Variants in PTK2 observed in about 807,000 individuals in gnomAD.
PTK2 encodes the protein protein tyrosine kinase 2, also known as focal adhesion kinase 1.
PTK2 carries 45 observed loss-of-function variants against 150.1 expected under a neutral mutation model. The ratio of observed to expected loss-of-function variants is 0.30; its 90% CI spans 0.24 to 0.38. The LOEUF (loss-of-function observed/expected upper bound fraction) is 0.38, where lower values mean the gene tolerates loss of function less well. Ranked by LOEUF, PTK2 falls within the 10% of genes least tolerant of loss-of-function variation. The probability of loss-of-function intolerance (pLI) is 1.00; values close to 1 mark genes in which losing one functional copy is unlikely to be tolerated. For synonymous variants in PTK2, 432 were observed against 449.2 expected, an observed-to-expected ratio of 0.96 and a Z score of 0.48; for missense variants, 919 against 1,307.3, an observed-to-expected ratio of 0.70 and a Z score of 4.58.
At chr8:140,947,551 T>C (rs1348381711) in intron 1 of PTK2, among the ~76,000 whole-genome samples, 2 of 152,020 alleles carry the variant, frequency 1.3e-5, no homozygotes, top group Non-Finnish European at 2.9e-5. Context: ...AAATCCTCAG[T>C]GGTTTCAACT....
At chr8:140,674,465 G>A in intron 28 of PTK2, 61 bp from the exon 32 acceptor site, 1 of 1,444,834 alleles carries the variant, frequency 6.9e-7, no homozygotes, top group Non-Finnish European at 9.5e-7. Context: ...AGAGGCTGGG[G>A]GCAGTGGCTC....
intron 8 of PTK2, among the ~76,000 whole-genome samples, chr8:140,820,425 T>C (rs915994992): frequency 6.6e-6 from 1 of 152,050 alleles, no homozygotes; most frequent in East Asian, 1.9e-4. Context: ...ACAGGGATAC[T>C]CTGGCCACTG....
In PTK2 at chr8:140,769,505, T is replaced by C; in HGVS notation, c.1178-5215A>G. ...AAAGCACATTTTGCCTTTCATTAAA[T>C]ACTAAACTATATTTATTTTCATAAA... On this transcript the variant is annotated intron_variant, in intron 14 of 31. Coordinates refer to ENST00000522684, the Ensembl canonical transcript of PTK2. 6 of 1,110,032 alleles carry C rather than the reference T, an allele frequency of 5.4e-6. No individual in the cohort carries two copies. The South Asian group carries it at 6.9e-5, about 13-fold the overall frequency. The allele number at this position is 1,110,032 out of a possible 1,614,324, so 68.8% of individuals were successfully genotyped here. A position where few individuals can be genotyped will look rare whatever the true frequency, so the allele number is the denominator to read the frequency against.
intron 1 of PTK2, among the ~76,000 whole-genome samples, chr8:140,990,030 A>G (rs1391664783): frequency 2.0e-5 from 3 of 152,160 alleles, no homozygotes; most frequent in Non-Finnish European, 4.4e-5. Context: ...ATAAGAGCAG[A>G]GAAGAGGAAA....
chr8:140,859,903 G>C lies in PTK2; in HGVS notation c.450+4409C>G, dbSNP rs547620165. On this transcript the variant is annotated intron_variant, in intron 5 of 31. Transcript: ENST00000522684. ...CTTATAACAGTTCTGGAATTGCGAA[G>C]CATGTAGCAGGGCAGATTCTGCATT... Among the ~76,000 whole-genome samples, 59 of 152,330 alleles carry C rather than the reference G, an allele frequency of 3.9e-4. 1 individual carries two copies. Among genetic ancestry groups the C allele is most frequent in the African/African-American group, 1.3e-3 (54 of 41,556 alleles).
intron 4 of PTK2, among the ~76,000 whole-genome samples, chr8:140,876,549 C>A (rs2100145633): frequency 6.6e-6 from 1 of 151,880 alleles, no homozygotes. Context: ...TTTGTTAATC[C>A]TGTATTTGAA....
At chr8:140,687,548 T>C (rs924375920) in intron 26 of PTK2, among the ~76,000 whole-genome samples, 1 of 152,230 alleles carries the variant, frequency 6.6e-6, no homozygotes, top group African/African-American at 2.4e-5. Flanking sequence ...GATTCGTCTG[T>C]GTATCTCCTA....
intron 14 of PTK2, among the ~76,000 whole-genome samples, chr8:140,767,969 C>T (rs2100073365): frequency 6.6e-6 from 1 of 151,764 alleles, no homozygotes; most frequent in Non-Finnish European, 1.5e-5. Context: ...GAAAAATTAC[C>T]CCCCAAGGGT....
chr8:140,894,056 A>G lies in PTK2; in HGVS notation c.-32-3287T>C, dbSNP rs1020627194. ...AAATGTCTGTGTGCTCCCAAAATTCATAAGTTGATACCATACTCCCCCCAA... is the reference window on the plus strand; with the variant it reads ...AAATGTCTGTGTGCTCCCAAAATTCGTAAGTTGATACCATACTCCCCCCAA... On this transcript the variant is annotated intron_variant, in intron 2 of 31. Transcript: ENST00000522684. 3.3e-5 allele frequency among the ~76,000 whole-genome samples: 5 copies of G among 152,206 alleles called. No homozygotes were observed. In the South Asian group the frequency reaches 6.2e-4, roughly 19 times the overall value.
chr8:140,828,309 G>C (rs2100113158), intron 8 of PTK2, among the ~76,000 whole-genome samples: 1 of 152,156 alleles, frequency 6.6e-6, no homozygotes, highest in Non-Finnish European at 1.5e-5. Context: ...AGGTTCAGAA[G>C]GACCAGTCAT....
At chr8:140,991,827 G>A (rs1445309316) in intron 1 of PTK2, among the ~76,000 whole-genome samples, 1 of 151,690 alleles carries the variant, frequency 6.6e-6, no homozygotes, top group Non-Finnish European at 1.5e-5. Flanking sequence ...CTGGCAACAT[G>A]GTAAATACCC....
chr8:140,755,251 C>A (rs1427143931), intron 16 of PTK2, among the ~76,000 whole-genome samples: 1 of 152,026 alleles, frequency 6.6e-6, no homozygotes, highest in Non-Finnish European at 1.5e-5. Flanking sequence ...GATAATCTTG[C>A]CTAATAAAGA....
intron 4 of PTK2, among the ~76,000 whole-genome samples, chr8:140,872,694 G>C (rs1368356023): frequency 6.6e-6 from 1 of 152,186 alleles, no homozygotes; most frequent in Non-Finnish European, 1.5e-5. Flanking sequence ...CACGGCTCTG[G>C]GCCTTCCAGT....
Position 140,934,840 on chromosome 8 carries a change from ACT to A in PTK2, c.-121-9093_-121-9092del, listed in dbSNP as rs556764588. 5.9e-3 allele frequency among the ~76,000 whole-genome samples: 896 copies of A among 152,282 alleles called. 14 individuals carry two copies. Among genetic ancestry groups the A allele is most frequent in the African/African-American group, 0.02 (821 of 41,544 alleles). ...CATATAAAGTTCACTTCTGAAAACAACTCTCTATTGATCTCTCTCTAGCAAGA... is the reference window on the plus strand; with the variant it reads ...CATATAAAGTTCACTTCTGAAAACAACTCTATTGATCTCTCTCTAGCAAGA... On this transcript the variant is annotated intron_variant, in intron 1 of 31. Transcript: ENST00000522684.
chr8:140,767,463 G>C (rs1194862041), intron 14 of PTK2, among the ~76,000 whole-genome samples: 1 of 151,954 alleles, frequency 6.6e-6, no homozygotes, highest in Non-Finnish European at 1.5e-5. Flanking sequence ...CATATGTATG[G>C]TAATATCTGG....
chr8:140,682,797 A>G (rs537679304), intron 27 of PTK2, among the ~76,000 whole-genome samples: 14 of 152,346 alleles, frequency 9.2e-5, no homozygotes, highest in Admixed American at 6.5e-4. Context: ...AAATTCTTTG[A>G]AACTAATAAG....
chr8:140,964,547 ATTTTT>A (rs1025644210), intron 1 of PTK2, among the ~76,000 whole-genome samples: 23 of 76,816 alleles, frequency 3.0e-4, no homozygotes, highest in African/African-American at 1.4e-3. Flanking sequence ...GCCCCAGGTA[ATTTTT>A]TTTTTTTTTT....
At chr8:140,696,933 G>A (rs933414703) in intron 26 of PTK2, among the ~76,000 whole-genome samples, 1 of 151,724 alleles carries the variant, frequency 6.6e-6, no homozygotes, top group African/African-American at 2.4e-5. Flanking sequence ...ATTAAGAAAG[G>A]TACTTGTTCC....
intron 2 of PTK2, among the ~76,000 whole-genome samples, chr8:140,921,547 A>G (rs563642689): frequency 2.0e-5 from 3 of 152,288 alleles, no homozygotes; most frequent in East Asian, 3.9e-4. Context: ...TTCCTGATCT[A>G]TCTATGTCTC....
Sources: allele counts gnomAD v4.1 joint callset (sites outside exome capture counted in the v4.1 genomes callset), GRCh38; gene constraint gnomAD v4.1.1; transcripts MANE v1.5; gene names NCBI Gene and HGNC (gene_info 2026-07-23, HGNC 2026-07-21).